The following LRRK2 variants were observed in gnomAD, a reference collection of about 807,000 sequenced individuals.
LRRK2 encodes leucine rich repeat kinase 2.
Under a neutral mutation model 302.6 loss-of-function variants are expected in LRRK2, and 203 were observed. The observed-to-expected ratio is 0.67, with a 90% CI of 0.60 to 0.75. The LOEUF is 0.75. LRRK2 is among the 30% of genes least tolerant of loss of function. The pLI is 0.00. For missense variants in LRRK2, 2,830 were observed against 2,951.0 expected (o/e 0.96, Z 0.95); for synonymous variants, 1,066 against 1,031.9 (o/e 1.03, Z -0.63).
At chr12:40,226,860 T>C (rs970091253) in intron 2 of LRRK2, among the ~76,000 whole-genome samples, 2 of 152,292 alleles carry the variant, frequency 1.3e-5, no homozygotes, top group Non-Finnish European at 2.9e-5. Flanking sequence ...TCTGCTTTGG[T>C]GTTCAGAAGT....
At chr12:40,342,917 G>A (rs1946089307) in intron 41 of LRRK2, among the ~76,000 whole-genome samples, 2 of 152,008 alleles carry the variant, frequency 1.3e-5, no homozygotes, top group African/African-American at 4.8e-5. Context: ...GATGTGCTGG[G>A]CTTGTGCTTA....
At position 40,309,360 on chromosome 12, in the gene LRRK2, AG is replaced by A. The variant is rs1487941955; in HGVS notation, c.4317+128del. 7 of 1,233,646 alleles carry A rather than the reference AG, an allele frequency of 5.7e-6. No individual in the cohort carries two copies. The African/African-American group carries it at 1.1e-4, about 19-fold the overall frequency. 76.4% of individuals were successfully genotyped at this position (1,233,646 alleles called of 1,614,324 possible). A position where few individuals can be genotyped will look rare whatever the true frequency, so the allele number is the denominator to read the frequency against. ...CAGTCTCTTTAAATACTTTCTTAAA[AG>A]AAGCACTAAAATTTTGAATTGGGAA... On this transcript the variant is annotated intron_variant, in intron 30 of 50. Transcript: ENST00000298910.
At chr12:40,359,199 T>A in intron 46 of LRRK2, 61 bp from the exon 47 acceptor site, 2 of 1,409,540 alleles carry the variant, frequency 1.4e-6, no homozygotes, top group Non-Finnish European at 2.0e-6. Flanking sequence ...ACAGATTTTA[T>A]GGAGTTTTGT....
In LRRK2 at chr12:40,277,911, C is replaced by A. The variant is rs1943528443; in HGVS notation, c.1965C>A (p.Ile655=). 1 of 1,610,228 alleles carries A rather than the reference C, an allele frequency of 6.2e-7. No homozygotes were observed. Among genetic ancestry groups the A allele is most frequent in the African/African-American group, 1.3e-5 (1 of 74,776 alleles). ...AGGGATTTCAGACAATCTTAGCAAT[C>A]CTCAAATTGTCAGCATCTTTTTCTA... ...QTKGFQTILA[I]LKLSASFSKL... is the part of the protein sequence containing the mutation. Residue 655 remains isoleucine (I), a synonymous_variant, in exon 17 of 51, where the codon ATC becomes ATA. Coordinates refer to ENST00000298910, the MANE Select transcript of LRRK2 (RefSeq NM_198578.4).
chr12:40,295,656 T>G lies in LRRK2; in HGVS notation c.3096+12T>G, dbSNP rs1015149837. On this transcript the variant is annotated intron_variant, in intron 23 of 50. Coordinates refer to ENST00000298910, the MANE Select transcript of LRRK2 (RefSeq NM_198578.4). ...AACAGCTATGTGAAGTAAATTTAAT[T>G]TATCCTTGTAACTTTCAAGACATTT... 1 of 1,609,902 alleles carries G rather than the reference T, an allele frequency of 6.2e-7. No individual in the cohort carries two copies.
chr12:40,252,677 T>C (rs1173207040), intron 10 of LRRK2, among the ~76,000 whole-genome samples: 2 of 152,188 alleles, frequency 1.3e-5, no homozygotes. Context: ...TGAGCTTTTT[T>C]ATTTCTCTCT....
Position 40,346,764 on chromosome 12 carries a change from C to CTTCCT in LRRK2, c.6121_6122insTTCCT (p.Pro2041LeufsTer29). 6.2e-7 allele frequency: 1 copy of CTTCCT among 1,613,824 alleles called. No homozygotes were observed. Among genetic ancestry groups the CTTCCT allele is most frequent in the Non-Finnish European group, 8.5e-7 (1 of 1,179,882 alleles). On this transcript the variant is annotated frameshift_variant, in exon 42 of 51. Coordinates refer to ENST00000298910, the MANE Select transcript of LRRK2 (RefSeq NM_198578.4). LOFTEE classifies it high-confidence loss of function. Reference sequence around the variant, plus strand: ...CTGCTTACTTTCAGGGTTTCGTGCACCTGAAGTTGCCAGAGGAAATGTCAT... The same window carrying CTTCCT: ...CTGCTTACTTTCAGGGTTTCGTGCACTTCCTCTGAAGTTGCCAGAGGAAATGTCAT...
rs1944457710 is a variant in LRRK2, at chr12:40,298,244, C to T, written c.3098C>T (p.Thr1033Ile). 6.2e-7 allele frequency: 1 copy of T among 1,613,038 alleles called. No homozygotes were observed. Among genetic ancestry groups the T allele is most frequent in the African/African-American group, 1.3e-5 (1 of 74,912 alleles). ...LTSFPQQLCE[T>I]LKSLTHLDLH... ...AATTTTAAACTATTGTCTTTTCAGA[C>T]TCTGAAGAGTTTGACACATTTGGAC... Residue 1033 changes from threonine (T) to isoleucine (I), a missense_variant and splice_region_variant, in exon 24 of 51, where the codon ACT becomes ATT. This residue lies in a region of LRRK2 where 2,121 missense variants were observed against 2,148.0 expected (regional missense o/e 0.99). Coordinates refer to ENST00000298910, the MANE Select transcript of LRRK2 (RefSeq NM_198578.4).
At chr12:40,252,090 G>T (rs1259425195) in intron 10 of LRRK2, among the ~76,000 whole-genome samples, 2 of 152,168 alleles carry the variant, frequency 1.3e-5, no homozygotes, top group Non-Finnish European at 2.9e-5. Flanking sequence ...CTCTCCCAAA[G>T]ATACAAGCTG....
At position 40,232,383 on chromosome 12, in the gene LRRK2, A is replaced by G. The variant is rs144883021; in HGVS notation, c.347A>G (p.Gln116Arg). The change falls in exon 3 of 51, where the codon CAA (glutamine) becomes CGA (arginine). Residue 116 changes from glutamine to arginine, a missense_variant and splice_region_variant. This residue lies in a region of LRRK2 where 2,121 missense variants were observed against 2,148.0 expected (regional missense o/e 0.99). Transcript: ENST00000298910. ...GNDWEVLGVH[Q>R]LILKMLTVHN... is the part of the protein sequence containing the mutation. ...GATTGGGAAGTCCTTGGTGTTCACC[A>G]GTAAGTATGATAGATATGTAAAACA... 1.6e-4 allele frequency: 254 copies of G among 1,606,448 alleles called. No individual in the cohort carries two copies. In the African/African-American group the frequency reaches 2.7e-3, roughly 17 times the overall value.
chr12:40,227,299 C>T lies in LRRK2; in HGVS notation c.237+1659C>T, dbSNP rs550725200. On this transcript the variant is annotated intron_variant, in intron 2 of 50. Transcript: ENST00000298910. Reference sequence around the variant, plus strand: ...AATATCCGTCACCTCGAACATTTTTCTTTGTGTTGGCAACGTTGCAATTTC... The same window carrying T: ...AATATCCGTCACCTCGAACATTTTTTTTTGTGTTGGCAACGTTGCAATTTC... 2.2e-3 allele frequency among the ~76,000 whole-genome samples: 333 copies of T among 152,212 alleles called. 1 individual carries two copies. Among genetic ancestry groups the T allele is most frequent in the Admixed American group, 5.4e-3 (83 of 15,298 alleles).
intron 16 of LRRK2, among the ~76,000 whole-genome samples, chr12:40,277,304 G>A (rs1943498365): frequency 6.6e-6 from 1 of 152,084 alleles, no homozygotes; most frequent in African/African-American, 2.4e-5. Flanking sequence ...AAAAGTAACG[G>A]TGTTCTTTAT....
rs183774943 is a variant in LRRK2 at position 40,244,760 on chromosome 12, C to T, written c.838+1079C>T. Among the ~76,000 whole-genome samples, 3 of 149,300 alleles carry T rather than the reference C, an allele frequency of 2.0e-5. No individual in the cohort carries two copies. The East Asian group carries it at 6.0e-4, about 30-fold the overall frequency. On this transcript the variant is annotated intron_variant, in intron 7 of 50. Transcript: ENST00000298910. Reference sequence around the variant, plus strand: ...GGGTGGGGGGAGGGGGGAGGGATAGCATTGGGAGATATACCTAATGCTAGA... The same window carrying T: ...GGGTGGGGGGAGGGGGGAGGGATAGTATTGGGAGATATACCTAATGCTAGA...
chr12:40,259,620 G>T lies in LRRK2; in HGVS notation c.1543+16G>T. 1 of 1,612,558 alleles carries T rather than the reference G, an allele frequency of 6.2e-7. No individual in the cohort carries two copies. The highest frequency in any genetic ancestry group is 8.5e-7 in the Non-Finnish European group (1 of 1,178,942). ...ATAGTGCCTGGTAAGTTACATAGTT[G>T]ATTGTGGGAAGAGATAACAATTTAA... On this transcript the variant is annotated intron_variant, in intron 13 of 50. Coordinates refer to ENST00000298910, the MANE Select transcript of LRRK2 (RefSeq NM_198578.4).
intron 40 of LRRK2, 32 bp from the exon 41 acceptor site, chr12:40,340,262 T>C: frequency 6.2e-7 from 1 of 1,610,316 alleles, no homozygotes; most frequent in Non-Finnish European, 8.5e-7. Context: ...GTAATCACAT[T>C]TGAATAAGAT....
At position 40,365,026 on chromosome 12, in the gene LRRK2, A is replaced by G. The variant is rs1447385518; in HGVS notation, c.7366A>G (p.Arg2456Gly). 2 of 1,612,438 alleles carry G rather than the reference A, an allele frequency of 1.2e-6. No individual in the cohort carries two copies. The highest frequency in any genetic ancestry group is 2.2e-5 in the East Asian group (1 of 44,828). Residue 2456 changes from arginine to glycine, a missense_variant, in exon 49 of 51, where the codon AGA becomes GGA. Around this residue, in one of 3 missense-constraint regions of LRRK2, gnomAD observed 456 missense variants for 456.3 expected, o/e 1.00. Transcript: ENST00000298910. ...RVIYNFCNSV[R>G]VMMTAQLGSL... ...AATTTACAACTTTTGTAATTCGGTC[A>G]GAGTCATGATGACAGCACAGCTAGG...
intron 19 of LRRK2, 91 bp from the exon 20 acceptor site, chr12:40,287,260 G>A: frequency 9.2e-7 from 1 of 1,087,592 alleles, no homozygotes; most frequent in South Asian, 1.3e-5. Flanking sequence ...TTCTCCAGAA[G>A]CATAGCAATA....
Position 40,364,036 on chromosome 12 carries a change from C to T in LRRK2, c.7181+482C>T, listed in dbSNP as rs146905354. ...TGAGAGCATAGTGCTTAGTCTGATGCAGCCTGTGAGTGACAAATCCATAGC... is the reference window on the plus strand; with the variant it reads ...TGAGAGCATAGTGCTTAGTCTGATGTAGCCTGTGAGTGACAAATCCATAGC... On this transcript the variant is annotated intron_variant, in intron 48 of 50. Transcript: ENST00000298910. Among the ~76,000 whole-genome samples, 14 of 152,112 alleles carry T rather than the reference C, an allele frequency of 9.2e-5. No homozygotes were observed. In the East Asian group the frequency reaches 2.5e-3, roughly 27 times the overall value.
intron 3 of LRRK2, among the ~76,000 whole-genome samples, chr12:40,235,166 TTG>T (rs1179615393): frequency 6.6e-6 from 1 of 152,172 alleles, no homozygotes; most frequent in Non-Finnish European, 1.5e-5. Context: ...TGGTTCAGGT[TTG>T]TAGAAAGAAA....
Sources: gnomAD v4.1 joint callset for allele counts (sites outside exome capture counted in the v4.1 genomes callset) on GRCh38, gnomAD v4.1.1 for gene constraint, gnomAD v4.1.1 regional missense constraint, MANE v1.5 for transcripts, NCBI Gene and HGNC (gene_info 2026-07-23, HGNC 2026-07-21) for gene names.